Variants in AMOTL1 observed in about 807,000 individuals in gnomAD.
The protein encoded by AMOTL1 is angiomotin-like protein 1.
In AMOTL1, 45 loss-of-function variants were observed where a neutral mutation model predicts 102.9. That is an observed-to-expected ratio of 0.44 (90% CI 0.34 to 0.56). AMOTL1 has a LOEUF of 0.56. Ranked by LOEUF, AMOTL1 falls within the 20% of genes least tolerant of loss-of-function variation. The pLI is 0.01. For missense variants in AMOTL1, 1,114 were observed against 1,225.6 expected (o/e 0.91, Z 1.36); for synonymous variants, 481 against 484.7 (o/e 0.99, Z 0.10).
chr11:94,729,600 C>T (rs1280646710), intron 2 of AMOTL1, among the ~76,000 whole-genome samples: 1 of 152,100 alleles, frequency 6.6e-6, no homozygotes. Context: ...AATATAAGAA[C>T]CATACCCTGA....
intron 1 of AMOTL1, 133 bp from the exon 2 acceptor site, chr11:94,794,878 G>T: frequency 9.8e-7 from 1 of 1,020,276 alleles, no homozygotes; most frequent in South Asian, 2.0e-5. Context: ...GGAATTTTAT[G>T]AATCAAAAAG....
At chr11:94,790,133 G>A (rs1951258835) in intron 1 of AMOTL1, among the ~76,000 whole-genome samples, 2 of 152,148 alleles carry the variant, frequency 1.3e-5, no homozygotes, top group African/African-American at 4.8e-5. Flanking sequence ...AGGGATCTTT[G>A]TCTTTTCTTT....
chr11:94,859,460 T>TG, intron 8 of AMOTL1, 65 bp from the exon 9 acceptor site: 3 of 1,469,454 alleles, frequency 2.0e-6, no homozygotes, highest in Non-Finnish European at 2.7e-6. Context: ...GTGTTCTGTA[T>TG]GGGCAGTTGT....
At chr11:94,764,206 A>T (rs1216799787), upstream of AMOTL1, among the ~76,000 whole-genome samples, 1 of 151,984 alleles carries the variant, frequency 6.6e-6, no homozygotes, top group Non-Finnish European at 1.5e-5. Context: ...TATCTTTAGC[A>T]TACTACACTC....
intron 4 of AMOTL1, among the ~76,000 whole-genome samples, chr11:94,825,150 C>T (rs1446576293): frequency 2.6e-5 from 4 of 152,128 alleles, no homozygotes; most frequent in African/African-American, 7.2e-5. Flanking sequence ...GGAGTTTCTA[C>T]CAGGGCCAGA....
intron 1 of AMOTL1, among the ~76,000 whole-genome samples, chr11:94,708,824 T>A (rs1167636905): frequency 6.6e-6 from 1 of 152,144 alleles, no homozygotes; most frequent in African/African-American, 2.4e-5. Flanking sequence ...GCAAGCAATC[T>A]GTGATTGTAA....
chr11:94,752,074 G>C (rs943806698), intron 3 of AMOTL1, among the ~76,000 whole-genome samples: 5 of 152,098 alleles, frequency 3.3e-5, no homozygotes, highest in African/African-American at 1.2e-4. Context: ...TATCCTGTTT[G>C]TTTTTTATTA....
chr11:94,728,427 AC>A (rs1313059901), intron 1 of AMOTL1, among the ~76,000 whole-genome samples: 1 of 152,144 alleles, frequency 6.6e-6, no homozygotes, highest in African/African-American at 2.4e-5. Flanking sequence ...TTTATTGCAT[AC>A]CTTTTTGAGA....
In AMOTL1 at chr11:94,870,796, C is replaced by T; in HGVS notation, c.*1C>T. 6.3e-7 allele frequency: 1 copy of T among 1,585,892 alleles called. No homozygotes were observed. The highest frequency in any genetic ancestry group is 8.6e-7 in the Non-Finnish European group (1 of 1,163,752). Reference sequence around the variant, plus strand: ...AGAGATGATGGAAGTCCTCATCTAACTGCCATCCCTGTGGAATTTCAGTAC... The same window carrying T: ...AGAGATGATGGAAGTCCTCATCTAATTGCCATCCCTGTGGAATTTCAGTAC... On this transcript the variant is annotated 3_prime_UTR_variant, in exon 13 of 13. Transcript: ENST00000433060.
chr11:94,811,970 A>C (rs1303575439), intron 3 of AMOTL1, among the ~76,000 whole-genome samples: 2 of 152,178 alleles, frequency 1.3e-5, no homozygotes, highest in Non-Finnish European at 2.9e-5. Context: ...CATGCAGAAA[A>C]ACTTGTCTTC....
chr11:94,813,526 A>G (rs1951717014), intron 3 of AMOTL1, among the ~76,000 whole-genome samples: 1 of 152,242 alleles, frequency 6.6e-6, no homozygotes, highest in South Asian at 2.1e-4. Flanking sequence ...CAGTTTTCAG[A>G]AAGGAATGTT....
chr11:94,736,095 C>T (rs1012769489), intron 2 of AMOTL1, among the ~76,000 whole-genome samples: 1 of 152,134 alleles, frequency 6.6e-6, no homozygotes, highest in Non-Finnish European at 1.5e-5. Flanking sequence ...TACGTCCCAC[C>T]TCTAATAAAT....
chr11:94,835,578 T>A (rs1416370457), intron 6 of AMOTL1, among the ~76,000 whole-genome samples: 2 of 152,260 alleles, frequency 1.3e-5, no homozygotes, highest in South Asian at 2.1e-4. Flanking sequence ...TTGGGGTTTT[T>A]AAATAGTTAT....
Position 94,800,137 on chromosome 11 carries a change from A to C in AMOTL1, c.947A>C (p.Lys316Thr). ...GGTCCTCCACCTGAGTACCCCTTCA[A>C]GACCAAGCAAATGATGTCCCCAGTC... ...PRGPPPEYPF[K>T]TKQMMSPVSK... Residue 316 changes from lysine (K) to threonine (T), a missense_variant, in exon 3 of 13, where the codon AAG becomes ACG. By Grantham distance (78) the Lys-to-Thr change is moderately conservative. Coordinates refer to ENST00000433060, the MANE Select transcript of AMOTL1 (RefSeq NM_130847.3). 1.2e-6 allele frequency: 2 copies of C among 1,613,942 alleles called. No individual in the cohort carries two copies. Among genetic ancestry groups the C allele is most frequent in the Non-Finnish European group, 1.7e-6 (2 of 1,179,888 alleles).
rs570285436 is a variant in AMOTL1, at chr11:94,808,496, A to T, written c.1121+8185A>T. Among the ~76,000 whole-genome samples, 13 of 152,112 alleles carry T rather than the reference A, an allele frequency of 8.5e-5. No individual in the cohort carries two copies. The South Asian group carries it at 2.5e-3, about 29-fold the overall frequency. ...GTTTTTGTCAAACAAGCCATTTTTT[A>T]TTACATATTAGCCTAATAGCCCAAT... is the stretch of plus-strand genomic sequence containing the variant. On this transcript the variant is annotated intron_variant, in intron 3 of 12. Coordinates refer to ENST00000433060, the MANE Select transcript of AMOTL1 (RefSeq NM_130847.3).
chr11:94,849,824 A>C (rs1023126165), intron 6 of AMOTL1, among the ~76,000 whole-genome samples: 2 of 152,214 alleles, frequency 1.3e-5, no homozygotes, highest in Non-Finnish European at 2.9e-5. Context: ...ATTGATTTGA[A>C]GTATGAAAGT....
At chr11:94,785,936 T>C (rs1291191110) in intron 1 of AMOTL1, among the ~76,000 whole-genome samples, 1 of 152,240 alleles carries the variant, frequency 6.6e-6, no homozygotes, top group Non-Finnish European at 1.5e-5. Context: ...CTGGTAATAC[T>C]TGTTCACTCT....
chr11:94,741,916 CTCAGTA>C (rs1950533066), intron 3 of AMOTL1, among the ~76,000 whole-genome samples: 1 of 152,132 alleles, frequency 6.6e-6, no homozygotes, highest in Non-Finnish European at 1.5e-5. Flanking sequence ...TATGTTTATC[CTCAGTA>C]ACACACTCAG....
chr11:94,784,180 C>T (rs1344132018), intron 1 of AMOTL1, among the ~76,000 whole-genome samples: 1 of 152,082 alleles, frequency 6.6e-6, no homozygotes, highest in African/African-American at 2.4e-5. Context: ...GACTTTTTGG[C>T]TGCAGTTGGC....
Sources: gnomAD v4.1 joint callset for allele counts (sites outside exome capture counted in the v4.1 genomes callset) on GRCh38, gnomAD v4.1.1 for gene constraint, MANE v1.5 for transcripts, NCBI Gene and HGNC (gene_info 2026-07-23, HGNC 2026-07-21) for gene names.